Variants in KCNK1 observed in about 807,000 individuals in gnomAD.
KCNK1 encodes the protein potassium channel subfamily K member 1.
Under a neutral mutation model 22.2 loss-of-function variants are expected in KCNK1, and 10 were observed. That is an observed-to-expected ratio of 0.45 (90% CI 0.28 to 0.76). The LOEUF (loss-of-function observed/expected upper bound fraction) is 0.76, where lower values mean the gene tolerates loss of function less well. Ranked by LOEUF, KCNK1 falls within the 30% of genes least tolerant of loss-of-function variation. The pLI is 0.14. For synonymous variants in KCNK1, 200 were observed against 186.4 expected (o/e 1.07, Z -0.60); for missense variants, 378 against 421.0 (o/e 0.90, Z 0.89).
chr1:233,665,672 GAGTCTTC>G (rs890381360), intron 1 of KCNK1, among the ~76,000 whole-genome samples: 1 of 147,642 alleles, frequency 6.8e-6, no homozygotes, highest in African/African-American at 2.5e-5. Context: ...TTGCAACAAA[GAGTCTTC>G]AGTGGGGGCA....
chr1:233,636,556 G>A (rs1657900628), intron 1 of KCNK1: 1 of 152,410 alleles, frequency 6.6e-6, no homozygotes, highest in Non-Finnish European at 1.5e-5. Context: ...GTAGAGCCAA[G>A]TTGGGAGGTG....
intron 1 of KCNK1, among the ~76,000 whole-genome samples, chr1:233,618,588 T>C: frequency 6.6e-6 from 1 of 152,208 alleles, no homozygotes; most frequent in East Asian, 1.9e-4. Flanking sequence ...AACTGTTGGG[T>C]AAAAATACAG....
At chr1:233,634,650 A>C (rs1657867116) in intron 1 of KCNK1, among the ~76,000 whole-genome samples, 1 of 152,234 alleles carries the variant, frequency 6.6e-6, no homozygotes, top group Non-Finnish European at 1.5e-5. Flanking sequence ...TATGCCCACC[A>C]GATGCTCTGC....
At chr1:233,666,285 G>A (rs1558120464) in intron 1 of KCNK1, among the ~76,000 whole-genome samples, 1 of 152,122 alleles carries the variant, frequency 6.6e-6, no homozygotes, top group Non-Finnish European at 1.5e-5. Flanking sequence ...ATGGGTGTGG[G>A]CCTTAGCTTC....
intron 1 of KCNK1, among the ~76,000 whole-genome samples, chr1:233,626,344 T>C (rs1657689262): frequency 6.6e-6 from 1 of 152,124 alleles, no homozygotes; most frequent in African/African-American, 2.4e-5. Flanking sequence ...AGGTGTTGGA[T>C]AAAGAATCTC....
intron 1 of KCNK1, among the ~76,000 whole-genome samples, chr1:233,648,134 T>A (rs1408873964): frequency 6.6e-6 from 1 of 152,226 alleles, no homozygotes; most frequent in African/African-American, 2.4e-5. Context: ...GTGCCATACC[T>A]CTGTATTCTA....
At chr1:233,647,714 G>A (rs955441201) in intron 1 of KCNK1, among the ~76,000 whole-genome samples, 6 of 152,134 alleles carry the variant, frequency 3.9e-5, no homozygotes, top group African/African-American at 9.7e-5. Context: ...GTTGGAAGTC[G>A]GATTCAGCAT....
rs1253283365 is a variant in KCNK1, at chr1:233,614,284, C to T, written c.113C>T (p.Ala38Val). 1 of 1,613,432 alleles carries T rather than the reference C, an allele frequency of 6.2e-7. No individual in the cohort carries two copies. Among genetic ancestry groups the T allele is most frequent in the African/African-American group, 1.3e-5 (1 of 75,050 alleles). ...LGYLLYLVFG[A>V]VVFSSVELPY... is the part of the protein sequence containing the mutation. ...TACTTGCTCTACCTGGTCTTCGGCGCAGTGGTCTTCTCCTCGGTGGAGCTG... is the reference window on the plus strand; with the variant it reads ...TACTTGCTCTACCTGGTCTTCGGCGTAGTGGTCTTCTCCTCGGTGGAGCTG... The change falls in exon 1 of 3, where the codon GCA becomes GTA. Residue 38 changes from alanine (A) to valine (V), a missense_variant. Transcript: ENST00000366621.
At chr1:233,668,984 G>A (rs1658547658) in intron 2 of KCNK1, among the ~76,000 whole-genome samples, 1 of 152,112 alleles carries the variant, frequency 6.6e-6, no homozygotes, top group African/African-American at 2.4e-5. Flanking sequence ...AAGTGAATAC[G>A]CCTTTTTGTG....
chr1:233,638,182 T>C (rs894501573), intron 1 of KCNK1, among the ~76,000 whole-genome samples: 2 of 152,130 alleles, frequency 1.3e-5, no homozygotes, highest in African/African-American at 4.8e-5. Context: ...TGTGAGATCC[T>C]TAAAACCGGG....
chr1:233,622,057 A>G (rs1218275573), intron 1 of KCNK1, among the ~76,000 whole-genome samples: 2 of 152,236 alleles, frequency 1.3e-5, no homozygotes, highest in African/African-American at 4.8e-5. Flanking sequence ...AGTCCTATCA[A>G]GAACAGAATC....
chr1:233,622,316 G>A (rs967290494), intron 1 of KCNK1, among the ~76,000 whole-genome samples: 4 of 152,222 alleles, frequency 2.6e-5, no homozygotes, highest in African/African-American at 9.6e-5. Context: ...TGCACCTGCT[G>A]GCTTTTATTC....
At chr1:233,615,755 A>G (rs1248508663) in intron 1 of KCNK1, among the ~76,000 whole-genome samples, 1 of 147,368 alleles carries the variant, frequency 6.8e-6, no homozygotes, top group Non-Finnish European at 1.5e-5. Flanking sequence ...CACCCAAATT[A>G]TTGTGTATAA....
intron 2 of KCNK1, 81 bp from the exon 3 acceptor site, chr1:233,671,190 T>G (rs1396235370): frequency 8.0e-6 from 10 of 1,245,690 alleles, no homozygotes; most frequent in Non-Finnish European, 1.2e-5. Flanking sequence ...TGTGTTGGCA[T>G]GAGGTGGGGA....
chr1:233,662,271 T>TCCTC lies in KCNK1; in HGVS notation c.356-4323_356-4322insCTCC, dbSNP rs1553267165. Among the ~76,000 whole-genome samples, 93 of 67,172 alleles carry TCCTC rather than the reference T, an allele frequency of 1.4e-3. 1 individual carries two copies. The East Asian group carries it at 0.039, about 29-fold the overall frequency. The allele number at this position is 67,172 out of a possible 152,430, so 44.1% of individuals were successfully genotyped here. A position where few individuals can be genotyped will look rare whatever the true frequency, so the allele number is the denominator to read the frequency against. On this transcript the variant is annotated intron_variant, in intron 1 of 2. Transcript: ENST00000366621. ...TTCTTCTTCTTCTTCTTCTTCTTCT[T>TCCTC]CTCCTCCTCCTCCTCCTCTTCCTCT...
At chr1:233,619,755 C>T (rs749524945) in intron 1 of KCNK1, among the ~76,000 whole-genome samples, 5 of 151,992 alleles carry the variant, frequency 3.3e-5, no homozygotes, top group Non-Finnish European at 7.4e-5. Flanking sequence ...ACTAAAAATA[C>T]CAAAATTAGC....
At chr1:233,632,689 C>T (rs1200312623) in intron 1 of KCNK1, among the ~76,000 whole-genome samples, 1 of 152,068 alleles carries the variant, frequency 6.6e-6, no homozygotes, top group Admixed American at 6.5e-5. Flanking sequence ...TGCATTGGTG[C>T]TTCTGCTGTC....
In KCNK1 at chr1:233,614,107, G is replaced by A; in HGVS notation, c.-65G>A. 1 of 1,212,036 alleles carries A rather than the reference G, an allele frequency of 8.3e-7. No individual in the cohort carries two copies. Among genetic ancestry groups the A allele is most frequent in the East Asian group, 3.3e-5 (1 of 30,620 alleles). The allele number at this position is 1,212,036 out of a possible 1,614,324, so 75.1% of individuals were successfully genotyped here. ...GGCGGGGGCGGGGGCGGCGGGGCCA[G>A]AAGAGGCGGCGGGCCGCGCTCCGGC... On this transcript the variant is annotated 5_prime_UTR_variant, in exon 1 of 3. Coordinates refer to ENST00000366621, the MANE Select transcript of KCNK1 (RefSeq NM_002245.4).
At chr1:233,656,208 A>T (rs1658292894) in intron 1 of KCNK1, among the ~76,000 whole-genome samples, 1 of 152,198 alleles carries the variant, frequency 6.6e-6, no homozygotes, top group Admixed American at 6.5e-5. Context: ...CCTGGAAGAG[A>T]GAGTCTCCGG....
Sources: allele counts gnomAD v4.1 joint callset (sites outside exome capture counted in the v4.1 genomes callset), GRCh38; gene constraint gnomAD v4.1.1; transcripts MANE v1.5; gene names NCBI Gene and HGNC (gene_info 2026-07-23, HGNC 2026-07-21).